The following PDE1A variants were observed in gnomAD, a reference collection of about 807,000 sequenced individuals.
PDE1A encodes the protein dual specificity calcium/calmodulin-dependent 3',5'-cyclic nucleotide phosphodiesterase 1A.
Under a neutral mutation model 61.7 loss-of-function variants are expected in PDE1A, and 35 were observed. The observed-to-expected ratio is 0.57, with a 90% confidence interval of 0.43 to 0.75. The LOEUF (loss-of-function observed/expected upper bound fraction) is 0.75, where lower values mean the gene tolerates loss of function less well. Among genes scored for constraint, PDE1A ranks in the 30% least tolerant of loss-of-function variants. The pLI is 0.00. For synonymous variants in PDE1A, 232 were observed against 213.2 expected (o/e 1.09, Z -0.77); for missense variants, 597 against 630.6 (o/e 0.95, Z 0.57).
At chr2:182,511,195 T>A (rs1169353659) in intron 2 of PDE1A, among the ~76,000 whole-genome samples, 3 of 150,376 alleles carry the variant, frequency 2.0e-5, no homozygotes, top group African/African-American at 4.9e-5. Context: ...AGGGAAAGAG[T>A]CAAGATGGTC....
At chr2:182,575,510 G>A in the PDE1A span, among the ~76,000 whole-genome samples, 1 of 151,604 alleles carries the variant, frequency 6.6e-6, no homozygotes, top group African/African-American at 2.4e-5. Context: ...TAGGCCAGCA[G>A]AACATAATGC....
intron 1 of PDE1A, 24 bp downstream of exon 1, chr2:182,426,554 C>T: frequency 6.7e-7 from 1 of 1,502,842 alleles, no homozygotes; most frequent in Non-Finnish European, 9.3e-7. Flanking sequence ...GCCCTAGAGC[C>T]ACCTGCGATG....
intron 1 of PDE1A, among the ~76,000 whole-genome samples, chr2:182,329,756 A>T (rs1697282024): frequency 6.6e-6 from 1 of 151,554 alleles, no homozygotes; most frequent in Non-Finnish European, 1.5e-5. Flanking sequence ...TCCAGGGACC[A>T]CTCCTACTTT....
At chr2:182,190,117 T>G (rs969445819) in intron 10 of PDE1A, among the ~76,000 whole-genome samples, 6 of 152,236 alleles carry the variant, frequency 3.9e-5, no homozygotes, top group Non-Finnish European at 7.3e-5. Flanking sequence ...GAGAATATCT[T>G]CTAGAGCAGT....
In PDE1A at chr2:182,210,620, T is replaced by C. The variant is rs187408280; in HGVS notation, c.777-4555A>G. ...GTGGCTTGTCTTTTTAGTCTCTTGA[T>C]AGTGTCTTTGGTAGAGCATAAATTT... is the stretch of plus-strand genomic sequence containing the variant. On this transcript the variant is annotated intron_variant, in intron 7 of 13. Coordinates refer to ENST00000351439, the Ensembl canonical transcript of PDE1A. Among the ~76,000 whole-genome samples, 38 of 152,310 alleles carry C rather than the reference T, an allele frequency of 2.5e-4. No homozygotes were observed. In the East Asian group the frequency reaches 6.4e-3, roughly 25 times the overall value.
chr2:182,661,148 A>G, the PDE1A span, among the ~76,000 whole-genome samples: 5 of 152,218 alleles, frequency 3.3e-5, no homozygotes, highest in Non-Finnish European at 7.3e-5. Flanking sequence ...TCATAAATCA[A>G]TTCTCCTCAG....
chr2:182,241,885 G>T, intron 2 of PDE1A: 4 of 1,544,750 alleles, frequency 2.6e-6, no homozygotes, highest in Non-Finnish European at 3.5e-6. Context: ...GAAAATTAAA[G>T]CAAAATAGTT....
At chr2:182,264,643 T>G (rs1185268975) in intron 1 of PDE1A, among the ~76,000 whole-genome samples, 1 of 151,608 alleles carries the variant, frequency 6.6e-6, no homozygotes, top group East Asian at 1.9e-4. Flanking sequence ...GGAGTATGGG[T>G]AGCTAGTTTA....
the PDE1A span, among the ~76,000 whole-genome samples, chr2:182,696,541 T>G: frequency 6.6e-6 from 1 of 152,150 alleles, no homozygotes; most frequent in Non-Finnish European, 1.5e-5. Flanking sequence ...TATGACACTA[T>G]AATGGTGGAC....
At chr2:182,649,871 G>A in the PDE1A span, among the ~76,000 whole-genome samples, 1 of 152,074 alleles carries the variant, frequency 6.6e-6, no homozygotes, top group Non-Finnish European at 1.5e-5. Flanking sequence ...GCCTCCCAAA[G>A]TGCTGGGATT....
chr2:182,616,225 T>A, the PDE1A span, among the ~76,000 whole-genome samples: 1 of 152,280 alleles, frequency 6.6e-6, no homozygotes, highest in African/African-American at 2.4e-5. Context: ...GCTGGCACTT[T>A]TGGAGCCTAT....
the PDE1A span, among the ~76,000 whole-genome samples, chr2:182,597,583 G>A: frequency 6.6e-6 from 1 of 152,086 alleles, no homozygotes; most frequent in Non-Finnish European, 1.5e-5. Context: ...GGGGTAGAGA[G>A]ACCGTTTCCA....
At chr2:182,589,190 A>G in the PDE1A span, among the ~76,000 whole-genome samples, 1 of 149,800 alleles carries the variant, frequency 6.7e-6, no homozygotes, top group Non-Finnish European at 1.5e-5. Flanking sequence ...GGAAGAAGGG[A>G]AGAAGGAAAG....
chr2:182,291,833 A>C (rs982397720), intron 1 of PDE1A, among the ~76,000 whole-genome samples: 4 of 152,138 alleles, frequency 2.6e-5, no homozygotes, highest in Non-Finnish European at 5.9e-5. Flanking sequence ...CATAGGATTT[A>C]AATTCTGACA....
At chr2:182,675,488 G>T in the PDE1A span, among the ~76,000 whole-genome samples, 1 of 151,954 alleles carries the variant, frequency 6.6e-6, no homozygotes, top group East Asian at 1.9e-4. Context: ...GAGATTGCTG[G>T]GTCAAATGGT....
the PDE1A span, among the ~76,000 whole-genome samples, chr2:182,545,334 A>G: frequency 9.9e-5 from 15 of 152,284 alleles, no homozygotes; most frequent in East Asian, 2.7e-3. Context: ...CATGGGCTCC[A>G]GTGACACACT....
chr2:182,534,423 T>C, the PDE1A span, among the ~76,000 whole-genome samples: 5 of 152,002 alleles, frequency 3.3e-5, no homozygotes, highest in African/African-American at 1.2e-4. Flanking sequence ...TTACTCCAAT[T>C]TATTTCCTAA....
At chr2:182,679,496 G>A in the PDE1A span, among the ~76,000 whole-genome samples, 30 of 151,158 alleles carry the variant, frequency 2.0e-4, no homozygotes, top group Non-Finnish European at 2.8e-4. Flanking sequence ...CCACCGCACC[G>A]GGCTCTAATT....
chr2:182,289,718 A>C (rs1386363989), intron 1 of PDE1A, among the ~76,000 whole-genome samples: 1 of 152,244 alleles, frequency 6.6e-6, no homozygotes, highest in African/African-American at 2.4e-5. Context: ...CCTTTTGCCT[A>C]CTAATGGCAA....
Sources: allele counts gnomAD v4.1 joint callset (sites outside exome capture counted in the v4.1 genomes callset), GRCh38; gene constraint gnomAD v4.1.1; transcripts MANE v1.5; gene names NCBI Gene and HGNC (gene_info 2026-07-23, HGNC 2026-07-21).